The following ARL6 variants were observed in gnomAD, a reference collection of about 807,000 sequenced individuals.
ARL6 encodes the protein ADP-ribosylation factor-like protein 6.
ARL6 carries 18 observed loss-of-function variants against 27.1 expected under a neutral mutation model. That is an observed-to-expected ratio of 0.66 (90% CI 0.46 to 0.98). ARL6 has a LOEUF of 0.98. Among genes scored for constraint, ARL6 ranks in the 50% least tolerant of loss-of-function variants. The probability of loss-of-function intolerance (pLI) is 0.00; values close to 1 mark genes in which losing one functional copy is unlikely to be tolerated. For synonymous variants in ARL6, 65 were observed against 72.3 expected (o/e 0.90, Z 0.51); for missense variants, 187 against 214.9 (o/e 0.87, Z 0.81).
In ARL6 at chr3:97,797,736, A is replaced by G. The variant is rs556807388; in HGVS notation, c.536-288A>G. ...ATGCAAATGTACAACTTTGATAAAA[A>G]TAATAACTATAGATGAATTGTGCTT... On this transcript the variant is annotated intron_variant, in intron 7 of 7. Transcript: ENST00000463745. 2.6e-4 allele frequency among the ~76,000 whole-genome samples: 39 copies of G among 152,302 alleles called. 1 individual carries two copies. The South Asian group carries it at 6.8e-3, about 27-fold the overall frequency.
At chr3:97,769,503 C>G (rs1399324446) in intron 2 of ARL6, among the ~76,000 whole-genome samples, 1 of 151,998 alleles carries the variant, frequency 6.6e-6, no homozygotes, top group Admixed American at 6.6e-5. Flanking sequence ...ACTGGGATAT[C>G]CATCACCTCA....
At chr3:97,771,494 A>G (rs1214115860) in intron 2 of ARL6, among the ~76,000 whole-genome samples, 1 of 152,122 alleles carries the variant, frequency 6.6e-6, no homozygotes, top group Non-Finnish European at 1.5e-5. Context: ...TCCAATACTG[A>G]TGACCTTCAT....
chr3:97,773,389 G>A (rs1196003348), intron 2 of ARL6, among the ~76,000 whole-genome samples: 3 of 152,088 alleles, frequency 2.0e-5, no homozygotes, highest in Non-Finnish European at 4.4e-5. Context: ...ATCTCCTTTG[G>A]CAGCACCCTC....
chr3:97,778,054 T>G (rs2036995605), intron 2 of ARL6, among the ~76,000 whole-genome samples: 1 of 152,206 alleles, frequency 6.6e-6, no homozygotes, highest in Non-Finnish European at 1.5e-5. Context: ...TCTTTAAACT[T>G]TAGCTTCCTA....
chr3:97,777,597 T>G (rs1391170119), intron 2 of ARL6, among the ~76,000 whole-genome samples: 1 of 152,216 alleles, frequency 6.6e-6, no homozygotes, highest in Non-Finnish European at 1.5e-5. Context: ...ATCTGTGGAT[T>G]TAGAAGCTAT....
At chr3:97,767,938 T>C (rs1404654393) in intron 1 of ARL6, 143 bp from the exon 2 acceptor site, 6 of 725,278 alleles carry the variant, frequency 8.3e-6, no homozygotes, top group Non-Finnish European at 1.1e-5. Context: ...TACACTGTGT[T>C]TACTAAGTGC....
chr3:97,789,114 G>A (rs951149965), intron 6 of ARL6, among the ~76,000 whole-genome samples: 31 of 152,110 alleles, frequency 2.0e-4, no homozygotes, highest in African/African-American at 7.5e-4. Context: ...AAGACCTTAG[G>A]AAAGCTCTTG....
At chr3:97,793,084 G>T (rs747915625) in intron 7 of ARL6, among the ~76,000 whole-genome samples, 1 of 152,114 alleles carries the variant, frequency 6.6e-6, no homozygotes, top group Non-Finnish European at 1.5e-5. Flanking sequence ...TTCAAAGTGC[G>T]AAATGTACAT....
chr3:97,776,749 C>T (rs528749571), intron 2 of ARL6, among the ~76,000 whole-genome samples: 41 of 152,152 alleles, frequency 2.7e-4, no homozygotes, highest in Middle Eastern at 3.4e-3. Flanking sequence ...CTCCATTTCC[C>T]GGGTTCAAGT....
rs998515968 is a variant in ARL6 at position 97,767,095 on chromosome 3, C to A, written c.-27-986C>A. ...AGTTTTATTTGACTTCCAAATACTT[C>A]TATTTTTGGATTGCTGATAGTTTTT... is the stretch of plus-strand genomic sequence containing the variant. On this transcript the variant is annotated intron_variant, in intron 1 of 7. Coordinates refer to ENST00000463745, the MANE Select transcript of ARL6 (RefSeq NM_001278293.3). Among the ~76,000 whole-genome samples, 5 of 151,958 alleles carry A rather than the reference C, an allele frequency of 3.3e-5. No individual in the cohort carries two copies. The South Asian group carries it at 6.2e-4, about 19-fold the overall frequency.
intron 2 of ARL6, among the ~76,000 whole-genome samples, chr3:97,778,638 G>A (rs1576447283): frequency 6.6e-6 from 1 of 152,124 alleles, no homozygotes. Flanking sequence ...CAGTGAGCAT[G>A]TAATTATAAT....
intron 6 of ARL6, among the ~76,000 whole-genome samples, chr3:97,790,415 G>T (rs886732042): frequency 3.9e-5 from 6 of 152,044 alleles, no homozygotes; most frequent in Non-Finnish European, 7.4e-5. Context: ...TGTAGGAAAT[G>T]AGGCCACTGA....
chr3:97,798,081 C>T lies in ARL6; in HGVS notation c.*32C>T, dbSNP rs759683251. The T allele has an allele frequency of 2.5e-6, 4 of 1,600,538 alleles. No individual in the cohort carries two copies. Among genetic ancestry groups the T allele is most frequent in the Non-Finnish European group, 2.6e-6 (3 of 1,168,002 alleles). On this transcript the variant is annotated 3_prime_UTR_variant, in exon 8 of 8. Coordinates refer to ENST00000463745, the MANE Select transcript of ARL6 (RefSeq NM_001278293.3). ...AATAGTTGGAAACCTCAGCAATTTT[C>T]AATTCAAGGAATCTATCTAAGACAA...
rs1285144727 is a variant in ARL6, at chr3:97,779,865, CA to C, written c.124-280del. 1.7e-3 allele frequency among the ~76,000 whole-genome samples: 198 copies of C among 117,196 alleles called. 1 individual carries two copies. Among genetic ancestry groups the C allele is most frequent in the South Asian group, 2.8e-3 (10 of 3,510 alleles). 76.9% of individuals were successfully genotyped at this position (117,196 alleles called of 152,430 possible). A position where few individuals can be genotyped will look rare whatever the true frequency, so the allele number is the denominator to read the frequency against. The stretch of plus-strand genomic sequence containing the variant: ...TGGGTGACAGAGTGAGACTCTATCT[CA>C]AAAAAAAAAAAAACACTTATTAAAC... On this transcript the variant is annotated intron_variant, in intron 2 of 7. Coordinates refer to ENST00000463745, the MANE Select transcript of ARL6 (RefSeq NM_001278293.3).
At chr3:97,797,133 C>T (rs2038041082) in intron 7 of ARL6, among the ~76,000 whole-genome samples, 1 of 152,132 alleles carries the variant, frequency 6.6e-6, no homozygotes. Flanking sequence ...GATATTGTAA[C>T]AAAATGACTG....
At chr3:97,788,622 A>G (rs547058227) in intron 6 of ARL6, among the ~76,000 whole-genome samples, 17 of 152,234 alleles carry the variant, frequency 1.1e-4, no homozygotes, top group African/African-American at 3.4e-4. Flanking sequence ...AATCCCTACA[A>G]TAGTCATAGT....
At chr3:97,794,205 G>GT (rs2037885214) in intron 7 of ARL6, among the ~76,000 whole-genome samples, 1 of 151,406 alleles carries the variant, frequency 6.6e-6, no homozygotes, top group South Asian at 2.1e-4. Context: ...GTGTGTGTGT[G>GT]TGTGTGTGTG....
intron 6 of ARL6, among the ~76,000 whole-genome samples, chr3:97,790,038 C>T (rs554358829): frequency 1.1e-4 from 16 of 142,568 alleles, no homozygotes; most frequent in Middle Eastern, 3.6e-3. Context: ...TGACTCAATC[C>T]CTGGCATCAT....
intron 2 of ARL6, among the ~76,000 whole-genome samples, chr3:97,773,415 A>G (rs2036735095): frequency 6.6e-6 from 1 of 152,192 alleles, no homozygotes; most frequent in African/African-American, 2.4e-5. Flanking sequence ...CACACCCAGG[A>G]TCAATACTTT....
Sources: allele counts gnomAD v4.1 joint callset (sites outside exome capture counted in the v4.1 genomes callset), GRCh38; gene constraint gnomAD v4.1.1; transcripts MANE v1.5; gene names NCBI Gene and HGNC (gene_info 2026-07-23, HGNC 2026-07-21).